Variants in SH3GL3 observed in about 807,000 individuals in gnomAD.
SH3GL3 encodes SH3 domain containing GRB2 like 3, endophilin A3.
SH3GL3 carries 33 observed loss-of-function variants against 47.7 expected under a neutral mutation model. The ratio of observed to expected loss-of-function variants is 0.69; its 90% CI spans 0.52 to 0.92. The LOEUF (loss-of-function observed/expected upper bound fraction) is 0.92, where lower values mean the gene tolerates loss of function less well. Among genes scored for constraint, SH3GL3 ranks in the 40% least tolerant of loss-of-function variants. The pLI is 0.00. For synonymous variants in SH3GL3, 155 were observed against 148.8 expected (o/e 1.04, Z -0.30); for missense variants, 363 against 417.8 (o/e 0.87, Z 1.14).
chr15:83,607,122 A>C (rs752672165), intron 8 of SH3GL3, among the ~76,000 whole-genome samples: 34 of 152,190 alleles, frequency 2.2e-4, no homozygotes, highest in Non-Finnish European at 4.1e-4. Flanking sequence ...GTAAGACATA[A>C]ATTCTAACTT....
intron 1 of SH3GL3, chr15:83,491,030 G>T: frequency 2.0e-6 from 3 of 1,481,232 alleles, no homozygotes; most frequent in Non-Finnish European, 2.7e-6. Context: ...GGGAAGCCTT[G>T]TATTAGCAAG....
chr15:83,633,233 G>A, the SH3GL3 span, among the ~76,000 whole-genome samples: 2 of 152,320 alleles, frequency 1.3e-5, no homozygotes, highest in East Asian at 3.9e-4. Context: ...GGCTATGAGA[G>A]AACATAGTAA....
intron 1 of SH3GL3, among the ~76,000 whole-genome samples, chr15:83,557,851 A>G (rs1239876438): frequency 6.6e-6 from 1 of 152,204 alleles, no homozygotes; most frequent in Non-Finnish European, 1.5e-5. Flanking sequence ...CTCCAACTCT[A>G]GCTCGGAGGA....
intron 1 of SH3GL3, among the ~76,000 whole-genome samples, chr15:83,468,110 A>G (rs9635450): frequency 4.0e-4 from 61 of 152,322 alleles, no homozygotes; most frequent in Middle Eastern, 3.4e-3. Context: ...GATTACAGGC[A>G]TGAGCCACTG....
intron 1 of SH3GL3, among the ~76,000 whole-genome samples, chr15:83,465,904 T>A (rs1275716965): frequency 6.6e-6 from 1 of 152,134 alleles, no homozygotes; most frequent in East Asian, 1.9e-4. Flanking sequence ...TTTCCCCCAG[T>A]GATAACACTA....
At chr15:83,576,791 TG>T (rs1297163609) in intron 6 of SH3GL3, 50 bp downstream of exon 6, 1 of 1,298,176 alleles carries the variant, frequency 7.7e-7, no homozygotes, top group East Asian at 2.4e-5. Context: ...AATGAAACAT[TG>T]AATATATGAC....
chr15:83,469,957 C>T (rs2040754823), intron 1 of SH3GL3, among the ~76,000 whole-genome samples: 1 of 152,156 alleles, frequency 6.6e-6, no homozygotes, highest in African/African-American at 2.4e-5. Context: ...TTCATTGCTA[C>T]CAGTTTTGCT....
At chr15:83,498,425 G>A (rs189078392) in intron 1 of SH3GL3, among the ~76,000 whole-genome samples, 111 of 152,214 alleles carry the variant, frequency 7.3e-4, no homozygotes, top group African/African-American at 2.5e-3. Context: ...AGATAATAAA[G>A]GCAAAGCTCT....
At chr15:83,617,252 C>T (rs913269916) in intron 8 of SH3GL3, among the ~76,000 whole-genome samples, 1 of 152,136 alleles carries the variant, frequency 6.6e-6, no homozygotes, top group African/African-American at 2.4e-5. Flanking sequence ...CTTTCTTGTC[C>T]TGGTTTCTCT....
Position 83,576,675 on chromosome 15 carries a change from G to C in SH3GL3, c.558G>C (p.Ala186=). The C allele has an allele frequency of 6.2e-7, 1 of 1,613,582 alleles. No homozygotes were observed. Among genetic ancestry groups the C allele is most frequent in the Non-Finnish European group, 8.5e-7 (1 of 1,179,674 alleles). ...GKIPDEEVRQ[A]VEKFEESKEL... Reference sequence around the variant, plus strand: ...TACCAGACGAAGAAGTCAGACAAGCGGTAGAAAAATTTGAAGAGTCAAAGG... The same window carrying C: ...TACCAGACGAAGAAGTCAGACAAGCCGTAGAAAAATTTGAAGAGTCAAAGG... Residue 186 remains alanine (A), a synonymous_variant, in exon 6 of 9, where the codon GCG becomes GCC. Coordinates refer to ENST00000427482, the MANE Select transcript of SH3GL3 (RefSeq NM_003027.5).
intron 6 of SH3GL3, among the ~76,000 whole-genome samples, chr15:83,586,760 T>C (rs1359137575): frequency 1.3e-5 from 2 of 152,226 alleles, no homozygotes; most frequent in Non-Finnish European, 2.9e-5. Context: ...TTAAATCAAA[T>C]TCATAATCAC....
At chr15:83,598,068 G>C (rs2060278737) in intron 8 of SH3GL3, among the ~76,000 whole-genome samples, 1 of 152,210 alleles carries the variant, frequency 6.6e-6, no homozygotes, top group South Asian at 2.1e-4. Flanking sequence ...GCCTCCTGTG[G>C]TTAAGGGGAA....
chr15:83,464,758 C>T (rs74024683), intron 1 of SH3GL3, among the ~76,000 whole-genome samples: 3 of 152,242 alleles, frequency 2.0e-5, no homozygotes, highest in African/African-American at 7.2e-5. Context: ...GCTACTATCA[C>T]CTTGGTCCTG....
At chr15:83,612,860 T>C (rs2151847489) in intron 8 of SH3GL3, among the ~76,000 whole-genome samples, 1 of 152,338 alleles carries the variant, frequency 6.6e-6, no homozygotes, top group African/African-American at 2.4e-5. Context: ...TTTCTCTCTC[T>C]CTCTCGCTCT....
At chr15:83,492,617 A>G (rs1434875195) in intron 1 of SH3GL3, among the ~76,000 whole-genome samples, 1 of 152,200 alleles carries the variant, frequency 6.6e-6, no homozygotes, top group Admixed American at 6.5e-5. Flanking sequence ...TAAGCGGAGC[A>G]GAGTGCCCGA....
chr15:83,532,269 G>A (rs1340889076), intron 1 of SH3GL3, among the ~76,000 whole-genome samples: 1 of 152,164 alleles, frequency 6.6e-6, no homozygotes, highest in Non-Finnish European at 1.5e-5. Context: ...AGTTTGGGTT[G>A]GAGTTATGGA....
rs1366122141 is a variant in SH3GL3, at chr15:83,578,289, C to T, written c.624+1548C>T. 3.9e-5 allele frequency among the ~76,000 whole-genome samples: 6 copies of T among 152,176 alleles called. No homozygotes were observed. The South Asian group carries it at 1.0e-3, about 26-fold the overall frequency. ...GTCAGCCACCTGCCTCCCTCCGGAG[C>T]CCCTGCCCTCAGCCTGGCTTCAGCG... On this transcript the variant is annotated intron_variant, in intron 6 of 8. Coordinates refer to ENST00000427482, the MANE Select transcript of SH3GL3 (RefSeq NM_003027.5).
chr15:83,536,937 G>T (rs1342871212), intron 1 of SH3GL3, among the ~76,000 whole-genome samples: 2 of 152,064 alleles, frequency 1.3e-5, no homozygotes, highest in African/African-American at 4.8e-5. Context: ...CGCACTCCTG[G>T]TTTTCCTAAA....
chr15:83,620,619 G>T (rs1339505980), downstream of SH3GL3, among the ~76,000 whole-genome samples: 2 of 152,202 alleles, frequency 1.3e-5, no homozygotes. Flanking sequence ...AGTAAGCCAT[G>T]CTATAAACAG....
Sources: gnomAD v4.1 joint callset for allele counts (sites outside exome capture counted in the v4.1 genomes callset) on GRCh38, gnomAD v4.1.1 for gene constraint, MANE v1.5 for transcripts, NCBI Gene and HGNC (gene_info 2026-07-23, HGNC 2026-07-21) for gene names.